The following FAM167A variants were observed in gnomAD, a reference collection of about 807,000 sequenced individuals.
The protein encoded by FAM167A is protein FAM167A.
In FAM167A, 23 loss-of-function variants were observed where a neutral mutation model predicts 14.9. The observed-to-expected ratio is 1.55, with a 90% CI of 1.11 to 2.19. The LOEUF is 2.19. Among genes scored for constraint, FAM167A ranks in the 30% most tolerant of loss-of-function variants. The pLI, the probability that FAM167A is intolerant of heterozygous loss-of-function variation, is 0.00. For synonymous variants in FAM167A, 174 were observed against 117.7 expected (o/e 1.48, Z -3.10); for missense variants, 401 against 281.5 (o/e 1.42, Z -3.04).
chr8:11,426,450 G>A (rs77784152), intron 2 of FAM167A, among the ~76,000 whole-genome samples: 1 of 152,160 alleles, frequency 6.6e-6, no homozygotes, highest in Non-Finnish European at 1.5e-5. Context: ...GTTTTCTTCT[G>A]TTAACAAAGA....
upstream of FAM167A, among the ~76,000 whole-genome samples, chr8:11,469,451 G>T (rs113780687): frequency 0.019 from 2,869 of 151,450 alleles, 81 homozygotes; most frequent in South Asian, 0.063. Flanking sequence ...GAGAAGGCAA[G>T]GCCACCTAGA....
chr8:11,439,006 A>C (rs1462503341), intron 2 of FAM167A, among the ~76,000 whole-genome samples: 1 of 152,234 alleles, frequency 6.6e-6, no homozygotes, highest in Non-Finnish European at 1.5e-5. Context: ...TGAAGGGTTT[A>C]AGCACGGGCT....
Position 11,463,572 on chromosome 8 carries a change from C to T in FAM167A, c.-398+3054G>A, listed in dbSNP as rs141950895. Among the ~76,000 whole-genome samples, 263 of 152,342 alleles carry T rather than the reference C, an allele frequency of 1.7e-3. 1 individual carries two copies. The highest frequency in any genetic ancestry group is 2.6e-3 in the Non-Finnish European group (179 of 68,036). ...GCCAGTGCACAAGTCACTGCCTAGG[C>T]TCTTTCCATACCTGCCACTGGACCT... On this transcript the variant is annotated intron_variant, in intron 1 of 2. Coordinates refer to ENST00000284486, the MANE Select transcript of FAM167A (RefSeq NM_053279.3).
At chr8:11,464,046 T>G (rs1807650803) in intron 1 of FAM167A, among the ~76,000 whole-genome samples, 1 of 152,148 alleles carries the variant, frequency 6.6e-6, no homozygotes, top group African/African-American at 2.4e-5. Context: ...ACAGGGAGAC[T>G]GGGCTACTGC....
chr8:11,471,122 G>C (rs1033797164), upstream of FAM167A, among the ~76,000 whole-genome samples: 1 of 152,220 alleles, frequency 6.6e-6, no homozygotes, highest in African/African-American at 2.4e-5. Context: ...GAGTAGGGAG[G>C]TGACAGATTC....
chr8:11,436,751 T>C (rs368511810), intron 2 of FAM167A, among the ~76,000 whole-genome samples: 3 of 152,316 alleles, frequency 2.0e-5, no homozygotes, highest in East Asian at 1.9e-4. Context: ...GGGGCACAAC[T>C]GTTGGGATTT....
chr8:11,461,893 C>T (rs917210561), intron 1 of FAM167A, among the ~76,000 whole-genome samples: 22 of 152,218 alleles, frequency 1.4e-4, no homozygotes, highest in Non-Finnish European at 2.4e-4. Context: ...GCCAACTGGG[C>T]ACCTCCACGT....
chr8:11,425,667 T>C (rs1049251265), intron 2 of FAM167A, among the ~76,000 whole-genome samples: 57 of 141,222 alleles, frequency 4.0e-4, no homozygotes, highest in African/African-American at 1.5e-3. Context: ...TGCTTTGTTA[T>C]ACCCCCCCTT....
At chr8:11,442,510 G>A (rs540273163) in intron 2 of FAM167A, among the ~76,000 whole-genome samples, 1 of 152,146 alleles carries the variant, frequency 6.6e-6, no homozygotes, top group Non-Finnish European at 1.5e-5. Flanking sequence ...AAAAGCCTCA[G>A]CTCCCACAGG....
At chr8:11,458,624 T>G (rs1342916380) in intron 1 of FAM167A, among the ~76,000 whole-genome samples, 1 of 152,084 alleles carries the variant, frequency 6.6e-6, no homozygotes, top group Non-Finnish European at 1.5e-5. Context: ...AAAAGACCAA[T>G]CAGAATATTT....
intron 1 of FAM167A, among the ~76,000 whole-genome samples, chr8:11,462,455 C>T (rs570471560): frequency 1.3e-5 from 2 of 152,330 alleles, no homozygotes; most frequent in East Asian, 3.9e-4. Flanking sequence ...CTGTCACCTC[C>T]TGCTCTTGAC....
At chr8:11,449,466 C>T (rs1269945291) in intron 1 of FAM167A, among the ~76,000 whole-genome samples, 1 of 152,184 alleles carries the variant, frequency 6.6e-6, no homozygotes, top group Non-Finnish European at 1.5e-5. Context: ...GGGGCCCAGG[C>T]CCCGGGAGGA....
intron 1 of FAM167A, among the ~76,000 whole-genome samples, chr8:11,458,725 G>A (rs1807426415): frequency 6.6e-6 from 1 of 152,110 alleles, no homozygotes; most frequent in South Asian, 2.1e-4. Flanking sequence ...AGTTTCCAGA[G>A]TCTGGAGAAA....
chr8:11,464,913 G>A (rs1392108056), intron 1 of FAM167A, among the ~76,000 whole-genome samples: 1 of 152,184 alleles, frequency 6.6e-6, no homozygotes, highest in Non-Finnish European at 1.5e-5. Context: ...AGTTCCTCCT[G>A]GAGGGGGGCC....
At chr8:11,435,017 C>G (rs778257483) in intron 2 of FAM167A, 1 of 456,666 alleles carries the variant, frequency 2.2e-6, no homozygotes, top group African/African-American at 2.0e-5. Context: ...TGGGCCTCCT[C>G]CCTGCCTGCC....
In FAM167A at chr8:11,424,091, T is replaced by G; in HGVS notation, c.*282A>C. The G allele has an allele frequency of 1.0e-5, 4 of 388,062 alleles. No individual in the cohort carries two copies. Among genetic ancestry groups the G allele is most frequent in the African/African-American group, 2.0e-5 (1 of 49,958 alleles). The allele number at this position is 388,062 out of a possible 1,614,324, so 24.0% of individuals were successfully genotyped here. On this transcript the variant is annotated 3_prime_UTR_variant, in exon 3 of 3. Transcript: ENST00000284486. ...AGGAACGTGACCGTGGAGGGATGGA[T>G]TATGGTGGGAACCCAGGTCTCCTTT...
chr8:11,437,339 T>C (rs972430971), intron 2 of FAM167A, among the ~76,000 whole-genome samples: 1 of 152,200 alleles, frequency 6.6e-6, no homozygotes, highest in African/African-American at 2.4e-5. Context: ...TGTATAAACA[T>C]GCGTAATACA....
chr8:11,436,481 G>A (rs577342832), intron 2 of FAM167A, among the ~76,000 whole-genome samples: 3 of 152,306 alleles, frequency 2.0e-5, no homozygotes, highest in South Asian at 2.1e-4. Flanking sequence ...CTGTGAGCTC[G>A]GCCATGCTGC....
chr8:11,436,226 C>G (rs994184561), intron 2 of FAM167A, among the ~76,000 whole-genome samples: 2 of 152,212 alleles, frequency 1.3e-5, no homozygotes, highest in Admixed American at 1.3e-4. Context: ...ACTGGAGATG[C>G]GGTGGGGACC....
Sources: gnomAD v4.1 joint callset for allele counts (sites outside exome capture counted in the v4.1 genomes callset) on GRCh38, gnomAD v4.1.1 for gene constraint, MANE v1.5 for transcripts, NCBI Gene and HGNC (gene_info 2026-07-23, HGNC 2026-07-21) for gene names.